The following SEPTIN5 variants were observed in gnomAD, a reference collection of about 807,000 sequenced individuals.
SEPTIN5 encodes septin-5.
A neutral mutation model predicts 51.2 loss-of-function variants in SEPTIN5; 16 were observed. The observed-to-expected ratio is 0.31, with a 90% CI of 0.21 to 0.47. The LOEUF (loss-of-function observed/expected upper bound fraction) is 0.47. SEPTIN5 is among the 20% of genes least tolerant of loss of function. The pLI is 0.99. For synonymous variants in SEPTIN5, 208 were observed against 191.2 expected (o/e 1.09, Z -0.72); for missense variants, 376 against 500.3 (o/e 0.75, Z 2.37).
In SEPTIN5 at chr22:19,720,135, G is replaced by T; in HGVS notation, c.259G>T (p.Glu87Ter). 6.2e-7 allele frequency: 1 copy of T among 1,613,264 alleles called. No individual in the cohort carries two copies. Among genetic ancestry groups the T allele is most frequent in the South Asian group, 1.1e-5 (1 of 91,086 alleles). ...SAEERISQTV[E>*]ILKHTVDIEE... ...CGTAGAGCGCATCAGCCAGACGGTA[G>T]AGATTCTAAAACACACGGTGGACAT... is the stretch of plus-strand genomic sequence containing the variant. The change falls in exon 5 of 12, where the codon GAG (glutamate) becomes TAG (stop). Residue 87 changes from glutamate to a stop codon, truncating the protein, a stop_gained. Coordinates refer to ENST00000455784, the MANE Select transcript of SEPTIN5 (RefSeq NM_002688.6). LOFTEE classifies it high-confidence loss of function.
chr22:19,721,592 G>A (rs200416311), intron 8 of SEPTIN5, 48 bp from the exon 9 acceptor site: 1 of 1,600,758 alleles, frequency 6.2e-7, no homozygotes, highest in Non-Finnish European at 8.5e-7. Context: ...ATCAGTAACC[G>A]TGCAATTACG....
chr22:19,722,987 G>C lies in SEPTIN5; in HGVS notation c.*503G>C. 1 of 445,836 alleles carries C rather than the reference G, an allele frequency of 2.2e-6. No individual in the cohort carries two copies. Among genetic ancestry groups the C allele is most frequent in the Non-Finnish European group, 4.2e-6 (1 of 235,872 alleles). 27.6% of individuals were successfully genotyped at this position (445,836 alleles called of 1,614,324 possible). A position where few individuals can be genotyped will look rare whatever the true frequency, so the allele number is the denominator to read the frequency against. ...GACGCCTAGCGGGCAGGGTTGGGCT[G>C]AATCAAATGGGAGCCCTCCAGACAT... is the stretch of plus-strand genomic sequence containing the variant. On this transcript the variant is annotated 3_prime_UTR_variant, in exon 12 of 12. Transcript: ENST00000455784.
In SEPTIN5 at chr22:19,723,180, G is replaced by C. The variant is rs1348376864; in HGVS notation, c.*696G>C. ...GAGGCCTCTTCTCCCCAGCACCGCT[G>C]TGGTGTGCCGGGATCCTGAGCCTAG... On this transcript the variant is annotated 3_prime_UTR_variant, in exon 12 of 12. Coordinates refer to ENST00000455784, the MANE Select transcript of SEPTIN5 (RefSeq NM_002688.6). 4 of 585,768 alleles carry C rather than the reference G, an allele frequency of 6.8e-6. No homozygotes were observed. The highest frequency in any genetic ancestry group is 3.2e-6 in the Non-Finnish European group (1 of 310,744). The allele number at this position is 585,768 out of a possible 1,614,324, so 36.3% of individuals were successfully genotyped here.
intron 2 of SEPTIN5, chr22:19,718,526 G>A: frequency 7.8e-7 from 1 of 1,277,262 alleles, no homozygotes; most frequent in Non-Finnish European, 9.9e-7. Flanking sequence ...AGTTCGCCCA[G>A]TCAGGGGGAT....
chr22:19,720,481 C>A, intron 6 of SEPTIN5, 27 bp downstream of exon 6: 1 of 1,613,104 alleles, frequency 6.2e-7, no homozygotes. Context: ...GGGCCAGGCT[C>A]GGGAGTGCAG....
Position 19,720,323 on chromosome 22 carries a change from G to T in SEPTIN5, c.366G>T (p.Trp122Cys). 4 of 1,613,710 alleles carry T rather than the reference G, an allele frequency of 2.5e-6. No individual in the cohort carries two copies. Among genetic ancestry groups the T allele is most frequent in the Non-Finnish European group, 3.4e-6 (4 of 1,179,920 alleles). ...CTCACCTCCCTCCTGCCCACAGCTG[G>T]AAGCCCATCACCGACTATGTGGACC... ...FGDAVNNTEC[W>C]KPITDYVDQQ... The change falls in exon 6 of 12, where the codon TGG becomes TGT. Residue 122 changes from tryptophan to cysteine, a missense_variant. Around this residue, in one of 2 missense-constraint regions of SEPTIN5, gnomAD observed 287 missense variants for 417.1 expected, o/e 0.69. Coordinates refer to ENST00000455784, the MANE Select transcript of SEPTIN5 (RefSeq NM_002688.6).
intron 2 of SEPTIN5, among the ~76,000 whole-genome samples, chr22:19,716,456 C>T (rs967657928): frequency 6.6e-6 from 1 of 152,362 alleles, no homozygotes; most frequent in Non-Finnish European, 1.5e-5. Flanking sequence ...CCAGAGCTGA[C>T]TCGGGTGATT....
Position 19,714,722 on chromosome 22 carries a change from C to A in SEPTIN5, c.44-59C>A. ...CGTGTCTCTCCGTCTCTCCCCCGCC[C>A]GCCGGCCCGGACCCGCTCGGAACCG... On this transcript the variant is annotated intron_variant, in intron 1 of 11. Coordinates refer to ENST00000455784, the MANE Select transcript of SEPTIN5 (RefSeq NM_002688.6). This position sits in a 1 kb window ranked among gnomAD's most constrained non-coding sequence, Gnocchi z 5.2. 1 of 1,555,580 alleles carries A rather than the reference C, an allele frequency of 6.4e-7. No homozygotes were observed. The highest frequency in any genetic ancestry group is 8.6e-7 in the Non-Finnish European group (1 of 1,157,326).
chr22:19,715,991 C>T (rs1038393106), intron 2 of SEPTIN5, among the ~76,000 whole-genome samples: 3 of 152,230 alleles, frequency 2.0e-5, no homozygotes, highest in African/African-American at 7.2e-5. Context: ...TTCTCCTGTG[C>T]CTGCAGGTGT....
chr22:19,720,185 G>T lies in SEPTIN5; in HGVS notation c.309G>T (p.Lys103Asn). The T allele has an allele frequency of 6.2e-7, 1 of 1,613,594 alleles. No homozygotes were observed. The highest frequency in any genetic ancestry group is 8.5e-7 in the Non-Finnish European group (1 of 1,180,020). Residue 103 changes from lysine to asparagine, a missense_variant, in exon 5 of 12, where the codon AAG (lysine) becomes AAT (asparagine). Physicochemically the swap from Lys to Asn is moderately conservative, Grantham distance 94. Coordinates refer to ENST00000455784, the MANE Select transcript of SEPTIN5 (RefSeq NM_002688.6). The part of the protein sequence containing the change: ...VDIEEKGVKL[K>N]LTIVDTPGFG... Reference sequence around the variant, plus strand: ...TTGAGGAGAAGGGAGTCAAGCTGAAGCTCACCATCGTGGACACGCCGGGAT... The same window carrying T: ...TTGAGGAGAAGGGAGTCAAGCTGAATCTCACCATCGTGGACACGCCGGGAT...
At position 19,720,426 on chromosome 22, in the gene SEPTIN5, C is replaced by G. The variant is rs757684621; in HGVS notation, c.469C>G (p.Leu157Val). The stretch of plus-strand genomic sequence containing the variant: ...CCAAGACAACCGAGTGCACTGCTGC[C>G]TATACTTCATCTCCCCCTTCGGGCA... Reference protein sequence around the residue: ...NIQDNRVHCCLYFISPFGHGL... With the variant: ...NIQDNRVHCCVYFISPFGHGL... Residue 157 changes from leucine (L) to valine (V), a missense_variant, in exon 6 of 12, where the codon CTA becomes GTA. Leu to Val is a conservative substitution (Grantham distance 32, BLOSUM62 1). Transcript: ENST00000455784. 1.9e-6 allele frequency: 3 copies of G among 1,613,882 alleles called. No individual in the cohort carries two copies. Among genetic ancestry groups the G allele is most frequent in the Admixed American group, 1.7e-5 (1 of 60,010 alleles).
Position 19,714,992 on chromosome 22 carries a change from C to T in SEPTIN5, c.54+201C>T, listed in dbSNP as rs1568993675. Reference sequence around the variant, plus strand: ...GAGTGGGGGCCCTGGTCCCCGGACCCGCACAGCAGGGACCCTGCGCCCCTC... The same window carrying T: ...GAGTGGGGGCCCTGGTCCCCGGACCTGCACAGCAGGGACCCTGCGCCCCTC... On this transcript the variant is annotated intron_variant, in intron 2 of 11. Transcript: ENST00000455784. The surrounding 1 kb of genome is among the most constrained non-coding windows in gnomAD (Gnocchi z 5.2). Among the ~76,000 whole-genome samples the T allele has an allele frequency of 6.6e-6, 1 of 152,240 alleles. No individual in the cohort carries two copies. Among genetic ancestry groups the T allele is most frequent in the Non-Finnish European group, 1.5e-5 (1 of 68,032 alleles).
chr22:19,719,849 C>T lies in SEPTIN5; in HGVS notation c.195C>T (p.Phe65=). 6.2e-7 allele frequency: 1 copy of T among 1,613,130 alleles called. No homozygotes were observed. Among genetic ancestry groups the T allele is most frequent in the Non-Finnish European group, 8.5e-7 (1 of 1,179,954 alleles). The change falls in exon 4 of 12, where the codon TTC becomes TTT. Residue 65 remains phenylalanine, a synonymous_variant. Coordinates refer to ENST00000455784, the MANE Select transcript of SEPTIN5 (RefSeq NM_002688.6). ...LGKSTLVHSL[F]LTDLYKDRKL... is the part of the protein sequence containing the mutation. Reference sequence around the variant, plus strand: ...AGTCCACACTGGTCCACAGCCTCTTCCTGACAGACTTGTACAAGGACCGGA... The same window carrying T: ...AGTCCACACTGGTCCACAGCCTCTTTCTGACAGACTTGTACAAGGACCGGA...
chr22:19,722,658 GC>G lies in SEPTIN5; in HGVS notation c.*179del. ...CTGTTTCCGAGGGGCCTGGACCGTA[GC>G]CCCCGCCCAGCTGGCCCTCTCTGAC... On this transcript the variant is annotated 3_prime_UTR_variant, in exon 12 of 12. Transcript: ENST00000455784. The G allele has an allele frequency of 1.4e-6, 1 of 715,128 alleles. No homozygotes were observed. The highest frequency in any genetic ancestry group is 2.7e-5 in the Admixed American group (1 of 36,944). The allele number at this position is 715,128 out of a possible 1,614,324, so 44.3% of individuals were successfully genotyped here. A position where few individuals can be genotyped will look rare whatever the true frequency, so the allele number is the denominator to read the frequency against.
intron 2 of SEPTIN5, among the ~76,000 whole-genome samples, chr22:19,716,379 C>A (rs528440758): frequency 1.3e-5 from 2 of 152,230 alleles, no homozygotes; most frequent in Non-Finnish European, 2.9e-5. Context: ...GGAGTTCCGT[C>A]ACTACGCTCT....
At chr22:19,721,411 A>C (rs1936029231) in intron 8 of SEPTIN5, among the ~76,000 whole-genome samples, 1 of 151,828 alleles carries the variant, frequency 6.6e-6, no homozygotes, top group African/African-American at 2.4e-5. Context: ...ATGAGGAGGG[A>C]GCATGCCTGG....
At chr22:19,720,481 C>T (rs759499018) in intron 6 of SEPTIN5, 27 bp downstream of exon 6, 211 of 1,612,986 alleles carry the variant, frequency 1.3e-4, no homozygotes, top group Non-Finnish European at 1.7e-4. Flanking sequence ...GGGCCAGGCT[C>T]GGGAGTGCAG....
intron 3 of SEPTIN5, 26 bp from the exon 4 acceptor site, chr22:19,719,780 A>T: frequency 6.2e-7 from 1 of 1,612,432 alleles, no homozygotes; most frequent in Non-Finnish European, 8.5e-7. Context: ...GACCTAACGC[A>T]GCTCCTTCTC....
Position 19,720,195 on chromosome 22 carries a change from G to A in SEPTIN5, c.319G>A (p.Val107Met). The change falls in exon 5 of 12, where the codon GTG (valine) becomes ATG (methionine). Residue 107 changes from valine to methionine, a missense_variant. Physicochemically the swap from Val to Met is conservative, Grantham distance 21. Around this residue, in one of 2 missense-constraint regions of SEPTIN5, gnomAD observed 287 missense variants for 417.1 expected, o/e 0.69. Transcript: ENST00000455784. ...EKGVKLKLTI[V>M]DTPGFGDAVN... ...GGGAGTCAAGCTGAAGCTCACCATCGTGGACACGCCGGGATTCGGGGACGC... is the reference window on the plus strand; with the variant it reads ...GGGAGTCAAGCTGAAGCTCACCATCATGGACACGCCGGGATTCGGGGACGC... 1 of 1,613,584 alleles carries A rather than the reference G, an allele frequency of 6.2e-7. No individual in the cohort carries two copies. The highest frequency in any genetic ancestry group is 8.5e-7 in the Non-Finnish European group (1 of 1,180,014).
Sources: allele counts gnomAD v4.1 joint callset (sites outside exome capture counted in the v4.1 genomes callset), GRCh38; gene constraint gnomAD v4.1.1; regional missense constraint gnomAD v4.1.1; non-coding constraint Gnocchi (gnomAD v3.1); transcripts MANE v1.5; gene names NCBI Gene and HGNC (gene_info 2026-07-23, HGNC 2026-07-21).